The following FSD2 variants were observed in gnomAD, a reference collection of about 807,000 sequenced individuals.
FSD2 encodes fibronectin type III and SPRY domain containing 2, also known as fibronectin type III and SPRY domain-containing protein 2.
Under a neutral mutation model 80.4 loss-of-function variants are expected in FSD2, and 71 were observed. That is an observed-to-expected ratio of 0.88 (90% CI 0.73 to 1.08). The LOEUF is 1.08. FSD2 is among the 50% of genes least tolerant of loss of function. The pLI, the probability that FSD2 is intolerant of heterozygous loss-of-function variation, is 0.00. For synonymous variants in FSD2, 361 were observed against 329.5 expected (o/e 1.10, Z -1.03); for missense variants, 923 against 913.8 (o/e 1.01, Z -0.13).
In FSD2 at chr15:82,769,031, C is replaced by A; in HGVS notation, c.1403-1G>T. ...GTTTTAATAATGGGGGGAGAAGGTG[C>A]TAAATGTGGGAGAAAGGGAGAGATG... is the stretch of plus-strand genomic sequence containing the variant. On this transcript the variant is annotated splice_acceptor_variant, in intron 8 of 12. Transcript: ENST00000334574. LOFTEE classifies it high-confidence loss of function. The A allele has an allele frequency of 6.4e-7, 1 of 1,571,240 alleles. No individual in the cohort carries two copies. The highest frequency in any genetic ancestry group is 1.2e-5 in the South Asian group (1 of 82,710).
intron 12 of FSD2, among the ~76,000 whole-genome samples, chr15:82,761,333 G>C (rs1402292339): frequency 1.3e-5 from 2 of 152,098 alleles, no homozygotes; most frequent in Non-Finnish European, 2.9e-5. Context: ...GTATTCATTG[G>C]CCTGGGCTTC....
chr15:82,796,808 A>G (rs771836580), intron 1 of FSD2, among the ~76,000 whole-genome samples: 5 of 152,170 alleles, frequency 3.3e-5, no homozygotes, highest in Non-Finnish European at 7.3e-5. Flanking sequence ...GGTACATGGT[A>G]TAGATAGCTT....
intron 4 of FSD2, 51 bp downstream of exon 4, chr15:82,782,744 A>G: frequency 6.9e-7 from 1 of 1,454,390 alleles, no homozygotes; most frequent in Non-Finnish European, 9.5e-7. Context: ...TCCGTTTATA[A>G]TTCCATCTCT....
At chr15:82,769,928 A>C in intron 7 of FSD2, 44 bp from the exon 8 acceptor site, 1 of 1,608,068 alleles carries the variant, frequency 6.2e-7, no homozygotes, top group Non-Finnish European at 8.5e-7. Context: ...AAAACTGGCC[A>C]AGTGGCTCCA....
intron 7 of FSD2, 89 bp downstream of exon 7, chr15:82,771,984 C>A: frequency 7.5e-7 from 1 of 1,328,662 alleles, no homozygotes; most frequent in South Asian, 1.6e-5. Context: ...CTGTCTCTAC[C>A]ATCCCAACTG....
chr15:82,799,845 G>A (rs1481227436), intron 1 of FSD2, among the ~76,000 whole-genome samples: 2 of 152,138 alleles, frequency 1.3e-5, no homozygotes, highest in Non-Finnish European at 2.9e-5. Flanking sequence ...TCTCTAAATG[G>A]TGCCTATTCT....
At chr15:82,798,739 G>T (rs976543868) in intron 1 of FSD2, among the ~76,000 whole-genome samples, 36 of 152,172 alleles carry the variant, frequency 2.4e-4, no homozygotes, top group African/African-American at 8.4e-4. Context: ...AAGTTCGTCG[G>T]CTTCCCCTAT....
rs774186644 is a variant in FSD2, at chr15:82,772,219, G to A, written c.1121C>T (p.Ala374Val). The change falls in exon 7 of 13, where the codon GCT becomes GTT. Residue 374 changes from alanine (A) to valine (V), a missense_variant. Ala to Val is a moderately conservative substitution (Grantham distance 64). Coordinates refer to ENST00000334574, the MANE Select transcript of FSD2 (RefSeq NM_001007122.4). ...GSINTIPAPS[A>V]PVINPQVPNS... ...AGGGACCTGTGGATTTATGACTGGA[G>A]CAGAAGGAGCTAGGAAAAGAAAAGA... 3 of 1,610,832 alleles carry A rather than the reference G, an allele frequency of 1.9e-6. No homozygotes were observed. The highest frequency in any genetic ancestry group is 2.5e-6 in the Non-Finnish European group (3 of 1,178,666).
At chr15:82,792,129 A>G (rs974686656) in intron 1 of FSD2, among the ~76,000 whole-genome samples, 8 of 152,222 alleles carry the variant, frequency 5.3e-5, no homozygotes, top group Non-Finnish European at 8.8e-5. Flanking sequence ...GTGAGTAAAC[A>G]CCTCAGAGTG....
Position 82,765,238 on chromosome 15 carries a change from C to A in FSD2, c.1748G>T (p.Gly583Val). ...CCTTTCACTTCGTACAGCCGTAAGT[C>A]CGTCTTCAGAAATGGTCAGCCAGGG... ...CHPWLTISED[G>V]LTAVRSERRT... The change falls in exon 11 of 13, where the codon GGA becomes GTA. Residue 583 changes from glycine to valine, a missense_variant. Physicochemically the swap from Gly to Val is moderately radical, Grantham distance 109. Transcript: ENST00000334574. 1 of 1,612,758 alleles carries A rather than the reference C, an allele frequency of 6.2e-7. No individual in the cohort carries two copies.
intron 7 of FSD2, among the ~76,000 whole-genome samples, 152 bp from the exon 8 acceptor site, chr15:82,770,036 C>T (rs575519090): frequency 2.0e-5 from 3 of 152,334 alleles, no homozygotes; most frequent in East Asian, 1.9e-4. Context: ...CTTTGCTGCT[C>T]CTTCCATTCA....
In FSD2 at chr15:82,759,186, C is replaced by A. The variant is rs758501349; in HGVS notation, c.*162G>T. 4.2e-6 allele frequency: 3 copies of A among 718,046 alleles called. No individual in the cohort carries two copies. The highest frequency in any genetic ancestry group is 6.7e-6 in the Non-Finnish European group (3 of 446,612). The allele number at this position is 718,046 out of a possible 1,614,324, so 44.5% of individuals were successfully genotyped here. On this transcript the variant is annotated 3_prime_UTR_variant, in exon 13 of 13. Coordinates refer to ENST00000334574, the MANE Select transcript of FSD2 (RefSeq NM_001007122.4). ...AGGTAGCAGCACACAGGACTAGAAT[C>A]CAGGTTGGGTGAAATGAGCGCTAGC...
intron 7 of FSD2, among the ~76,000 whole-genome samples, chr15:82,770,824 G>A (rs1455391085): frequency 2.0e-5 from 3 of 152,074 alleles, no homozygotes; most frequent in Non-Finnish European, 2.9e-5. Flanking sequence ...CTTAATTTAC[G>A]TTCGGATATC....
At chr15:82,784,010 T>C (rs1344643689) in intron 3 of FSD2, among the ~76,000 whole-genome samples, 1 of 152,164 alleles carries the variant, frequency 6.6e-6, no homozygotes, top group Non-Finnish European at 1.5e-5. Context: ...ATGGATGTCA[T>C]CCTCATCAGA....
intron 1 of FSD2, among the ~76,000 whole-genome samples, chr15:82,791,596 C>A (rs1347805601): frequency 4.0e-5 from 6 of 151,518 alleles, no homozygotes; most frequent in Non-Finnish European, 7.4e-5. Flanking sequence ...TAGTCTTGAA[C>A]TCCTGAGTTC....
chr15:82,787,467 C>T lies in FSD2; in HGVS notation c.-77G>A. 7.2e-7 allele frequency: 1 copy of T among 1,396,680 alleles called. No individual in the cohort carries two copies. The highest frequency in any genetic ancestry group is 9.7e-7 in the Non-Finnish European group (1 of 1,032,584). The allele number at this position is 1,396,680 out of a possible 1,614,324, so 86.5% of individuals were successfully genotyped here. A position where few individuals can be genotyped will look rare whatever the true frequency, so the allele number is the denominator to read the frequency against. On this transcript the variant is annotated splice_region_variant and 5_prime_UTR_variant, in exon 2 of 13. Transcript: ENST00000334574. ...GGACACTTAATAGTGAATATCTGGG[C>T]CCTGGAACACAAAAGGAGGAGGAAA...
chr15:82,762,368 T>G, intron 11 of FSD2, 90 bp from the exon 12 acceptor site: 1 of 1,306,330 alleles, frequency 7.7e-7, no homozygotes, highest in Non-Finnish European at 1.1e-6. Flanking sequence ...GATCAGTCAG[T>G]CGGTGGTCTA....
At chr15:82,771,949 A>G in intron 7 of FSD2, 124 bp downstream of exon 7, 7 of 1,024,768 alleles carry the variant, frequency 6.8e-6, no homozygotes, top group Non-Finnish European at 8.1e-6. Flanking sequence ...GCCTGCATCC[A>G]ATCCTCTGCA....
chr15:82,798,937 G>A (rs2050346722), intron 1 of FSD2, among the ~76,000 whole-genome samples: 1 of 144,430 alleles, frequency 6.9e-6, no homozygotes, highest in Admixed American at 7.2e-5. Context: ...GAGCACAGTG[G>A]TGAAATCTCA....
Sources: gnomAD v4.1 joint callset for allele counts (sites outside exome capture counted in the v4.1 genomes callset) on GRCh38, gnomAD v4.1.1 for gene constraint, MANE v1.5 for transcripts, NCBI Gene and HGNC (gene_info 2026-07-23, HGNC 2026-07-21) for gene names.